The following DNAI7 variants were observed in gnomAD, a reference collection of about 807,000 sequenced individuals.
DNAI7 encodes dynein axonemal intermediate chain 7.
DNAI7 carries 78 observed loss-of-function variants against 86.6 expected under a neutral mutation model. That is an observed-to-expected ratio of 0.90 (90% CI 0.75 to 1.09). DNAI7 has a LOEUF of 1.09. Ranked by LOEUF, DNAI7 falls within the 50% of genes least tolerant of loss-of-function variation. DNAI7 has a pLI of 0.00. For missense variants in DNAI7, 753 were observed against 810.2 expected (o/e 0.93, Z 0.86); for synonymous variants, 274 against 273.0 (o/e 1.00, Z -0.04).
chr12:25,122,959 T>TG (rs1406363995), intron 10 of DNAI7, among the ~76,000 whole-genome samples: 5 of 152,256 alleles, frequency 3.3e-5, no homozygotes, highest in African/African-American at 9.6e-5. Flanking sequence ...CGTTGTTAGG[T>TG]GGGAAAAAAG....
intron 2 of DNAI7, among the ~76,000 whole-genome samples, chr12:25,182,675 T>C (rs2141297698): frequency 6.6e-6 from 1 of 150,676 alleles, no homozygotes; most frequent in African/African-American, 2.4e-5. Flanking sequence ...GTAATCTCAG[T>C]GCTTTCGGAG....
At chr12:25,150,260 G>C (rs1945343273) in intron 6 of DNAI7, among the ~76,000 whole-genome samples, 1 of 152,166 alleles carries the variant, frequency 6.6e-6, no homozygotes, top group African/African-American at 2.4e-5. Context: ...TTTGCAATGT[G>C]GAGATTTGAT....
At position 25,183,902 on chromosome 12, in the gene DNAI7, A is replaced by AT. The variant is rs111940679; in HGVS notation, c.21+6711dup. Among the ~76,000 whole-genome samples, 260 of 151,376 alleles carry AT rather than the reference A, an allele frequency of 1.7e-3. 1 individual carries two copies. The highest frequency in any genetic ancestry group is 5.9e-3 in the African/African-American group (243 of 41,264). ...TTATTTCTTGGTAACTTTTCAACTG[A>AT]TTTTTTTTTATTATTCCACTATGTT... is the stretch of plus-strand genomic sequence containing the variant. On this transcript the variant is annotated intron_variant, in intron 2 of 15. Transcript: ENST00000395987.
At chr12:25,174,480 TATATATATCATATATCCC>T (rs1948628353) in intron 2 of DNAI7, among the ~76,000 whole-genome samples, 9 of 89,270 alleles carry the variant, frequency 1.0e-4, no homozygotes, top group African/African-American at 2.6e-4. Context: ...ATATATGGGA[TATATATATCATATATCCC>T]ATATATATGG....
At chr12:25,126,765 CATTT>C (rs1942193534) in intron 9 of DNAI7, among the ~76,000 whole-genome samples, 1 of 152,144 alleles carries the variant, frequency 6.6e-6, no homozygotes, top group Non-Finnish European at 1.5e-5. Context: ...AACCAAGTTG[CATTT>C]ATTTCTTTCA....
chr12:25,177,810 T>C (rs1294511838), intron 2 of DNAI7, among the ~76,000 whole-genome samples: 1 of 152,214 alleles, frequency 6.6e-6, no homozygotes, highest in East Asian at 1.9e-4. Context: ...TATTTGCTAA[T>C]TTCAGCACTT....
At position 25,195,073 on chromosome 12, in the gene DNAI7, CACCA is replaced by C. The variant is rs1169895252; in HGVS notation, c.2_3+2del. The C allele has an allele frequency of 2.5e-6, 4 of 1,614,218 alleles. No homozygotes were observed. In the African/African-American group the frequency reaches 4.0e-5, roughly 16 times the overall value. ...ACCTGTCTGCCTCATTTGCCTTGCTCACCATTAAGAGTCAAGCTCCACTGCAGTA... is the reference window on the plus strand; with the variant it reads ...ACCTGTCTGCCTCATTTGCCTTGCTCTTAAGAGTCAAGCTCCACTGCAGTA... On this transcript the variant is annotated splice_donor_variant and coding_sequence_variant, in exon 1 of 16. Transcript: ENST00000395987.
intron 5 of DNAI7, among the ~76,000 whole-genome samples, chr12:25,154,739 T>G (rs910647475): frequency 3.3e-5 from 5 of 152,220 alleles, no homozygotes; most frequent in African/African-American, 1.2e-4. Flanking sequence ...TTAGTTTTCC[T>G]CTCTAATCAT....
At position 25,108,489 on chromosome 12, in the gene DNAI7, A is replaced by ATACC; in HGVS notation, c.*55_*58dup. On this transcript the variant is annotated 3_prime_UTR_variant, in exon 16 of 16. Coordinates refer to ENST00000395987, the MANE Select transcript of DNAI7 (RefSeq NM_018272.5). ...TCACTCATTACATTGTGTTGCAGAA[A>ATACC]TACCTGTCTTTCACCATGCTTGGTT... The ATACC allele has an allele frequency of 1.4e-6, 2 of 1,427,984 alleles. No individual in the cohort carries two copies. The highest frequency in any genetic ancestry group is 1.9e-6 in the Non-Finnish European group (2 of 1,046,718). The allele number at this position is 1,427,984 out of a possible 1,614,324, so 88.5% of individuals were successfully genotyped here.
At chr12:25,138,457 G>T (rs2140750995) in intron 9 of DNAI7, among the ~76,000 whole-genome samples, 1 of 152,188 alleles carries the variant, frequency 6.6e-6, no homozygotes, top group East Asian at 1.9e-4. Context: ...GTAAGACTCG[G>T]TCTCAAATGA....
At chr12:25,189,413 G>A (rs190080791) in intron 2 of DNAI7, among the ~76,000 whole-genome samples, 4 of 152,268 alleles carry the variant, frequency 2.6e-5, no homozygotes, top group Non-Finnish European at 4.4e-5. Context: ...GGCTGAGGCC[G>A]GCAGATCACT....
intron 11 of DNAI7, among the ~76,000 whole-genome samples, chr12:25,119,613 T>C (rs1198122451): frequency 6.6e-6 from 1 of 152,128 alleles, no homozygotes. Flanking sequence ...AAAAATCAAG[T>C]AATTTGACAA....
chr12:25,111,807 T>C lies in DNAI7; in HGVS notation c.1744A>G (p.Arg582Gly), dbSNP rs753961007. 6.3e-7 allele frequency: 1 copy of C among 1,598,604 alleles called. No individual in the cohort carries two copies. The highest frequency in any genetic ancestry group is 8.5e-7 in the Non-Finnish European group (1 of 1,173,776). ...KEAGLNIFPT[R>G]HSHFYVIINN... Reference sequence around the variant, plus strand: ...ATAATAACATAAAAATGAGAGTGTCTAGTAGGAAAGATATTCAGTCCAGCT... The same window carrying C: ...ATAATAACATAAAAATGAGAGTGTCCAGTAGGAAAGATATTCAGTCCAGCT... Residue 582 changes from arginine (R) to glycine (G), a missense_variant, in exon 14 of 16, where the codon AGA becomes GGA. Transcript: ENST00000395987.
rs1179850594 is a variant in DNAI7, at chr12:25,117,976, C to T, written c.1396+1169G>A. Among the ~76,000 whole-genome samples the T allele has an allele frequency of 6.0e-5, 8 of 133,906 alleles. No homozygotes were observed. In the Admixed American group the frequency reaches 7.3e-4, roughly 12 times the overall value. 87.8% of individuals were successfully genotyped at this position (133,906 alleles called of 152,430 possible). ...TTTTTGAGACGGAGGGAGTCTCGCT[C>T]TGCCTGGAGTGCAGTGGCGCAATCT... On this transcript the variant is annotated intron_variant, in intron 12 of 15. Coordinates refer to ENST00000395987, the MANE Select transcript of DNAI7 (RefSeq NM_018272.5).
intron 11 of DNAI7, among the ~76,000 whole-genome samples, chr12:25,120,422 G>A (rs1186122840): frequency 6.6e-6 from 1 of 151,732 alleles, no homozygotes; most frequent in Non-Finnish European, 1.5e-5. Context: ...ACGAGGTTAA[G>A]TTAAAAATAA....
chr12:25,133,381 T>C (rs1943162759), intron 9 of DNAI7, among the ~76,000 whole-genome samples: 1 of 152,204 alleles, frequency 6.6e-6, no homozygotes, highest in African/African-American at 2.4e-5. Context: ...GAGCTGCTGA[T>C]TGTCTTTATA....
At chr12:25,165,840 T>C (rs1467375779) in intron 2 of DNAI7, among the ~76,000 whole-genome samples, 3 of 152,172 alleles carry the variant, frequency 2.0e-5, no homozygotes, top group Non-Finnish European at 4.4e-5. Context: ...ACTCTGGTGC[T>C]AATTTAGACA....
chr12:25,130,146 A>T (rs1057058909), intron 9 of DNAI7, among the ~76,000 whole-genome samples: 1 of 152,196 alleles, frequency 6.6e-6, no homozygotes, highest in African/African-American at 2.4e-5. Flanking sequence ...CTAATCCACA[A>T]GATTGTTAGC....
chr12:25,181,171 T>G (rs991145113), intron 2 of DNAI7, among the ~76,000 whole-genome samples: 3 of 152,098 alleles, frequency 2.0e-5, no homozygotes, highest in African/African-American at 7.2e-5. Flanking sequence ...AGTGCAGTGG[T>G]GCAATCATAG....
Sources: allele counts gnomAD v4.1 joint callset (sites outside exome capture counted in the v4.1 genomes callset), GRCh38; gene constraint gnomAD v4.1.1; transcripts MANE v1.5; gene names NCBI Gene and HGNC (gene_info 2026-07-23, HGNC 2026-07-21).